Variants in RBM46 observed in about 807,000 individuals in gnomAD.
RBM46 encodes probable RNA-binding protein 46.
RBM46 carries 12 observed loss-of-function variants against 43.3 expected under a neutral mutation model. The ratio of observed to expected loss-of-function variants is 0.28; its 90% CI spans 0.18 to 0.45. The LOEUF (loss-of-function observed/expected upper bound fraction) is 0.45. RBM46 is among the 20% of genes least tolerant of loss of function. RBM46 has a pLI of 1.00. For missense variants in RBM46, 412 were observed against 639.1 expected (o/e 0.64, Z 3.83); for synonymous variants, 205 against 207.6 (o/e 0.99, Z 0.11).
intron 1 of RBM46, among the ~76,000 whole-genome samples, chr4:154,789,995 G>T (rs970139147): frequency 6.6e-6 from 1 of 152,156 alleles, no homozygotes; most frequent in Admixed American, 6.5e-5. Flanking sequence ...ATGGTAGTTT[G>T]TATTTCTGTG....
At chr4:154,816,642 G>A (rs1362898668) in intron 4 of RBM46, among the ~76,000 whole-genome samples, 1 of 151,884 alleles carries the variant, frequency 6.6e-6, no homozygotes, top group Non-Finnish European at 1.5e-5. Flanking sequence ...TCAACTAAAT[G>A]TAAAGAGCTT....
chr4:154,793,482 A>T (rs1437178052), intron 1 of RBM46, among the ~76,000 whole-genome samples: 2 of 152,180 alleles, frequency 1.3e-5, no homozygotes, highest in Non-Finnish European at 2.9e-5. Context: ...CAGTGTATGA[A>T]GTCTTAAGTT....
chr4:154,808,554 A>G (rs969803677), intron 4 of RBM46, among the ~76,000 whole-genome samples: 10 of 152,106 alleles, frequency 6.6e-5, no homozygotes, highest in African/African-American at 1.9e-4. Context: ...CATATGTGCC[A>G]TGTATGTGGA....
rs776584870 is a variant in RBM46 at position 154,799,323 on chromosome 4, A to G, written c.1161A>G (p.Lys387=). 1.5e-5 allele frequency: 25 copies of G among 1,614,118 alleles called. No homozygotes were observed. Among genetic ancestry groups the G allele is most frequent in the Admixed American group, 3.3e-5 (2 of 60,014 alleles). The part of the protein sequence containing the change: ...KLTPISMYSL[K]SNHFNSAVMH... ...CTCCAATTAGTATGTATTCTTTAAA[A>G]TCCAATCATTTTAATTCTGCAGTAA... Residue 387 remains lysine, a synonymous_variant, in exon 4 of 5, where the codon AAA becomes AAG. Transcript: ENST00000281722.
rs1272043820 is a variant in RBM46 at position 154,799,509 on chromosome 4, T to C, written c.1347T>C (p.Cys449=). 2 of 1,607,660 alleles carry C rather than the reference T, an allele frequency of 1.2e-6. No homozygotes were observed. Among genetic ancestry groups the C allele is most frequent in the Non-Finnish European group, 1.7e-6 (2 of 1,177,780 alleles). ...SQSYFMPDKL[C]TTLEDAKELA... ...GTTACTTCATGCCAGACAAACTCTG[T>C]ACTACGTTAGAAGATGCAAAGGAAC... Residue 449 remains cysteine (C), a synonymous_variant, in exon 4 of 5, where the codon TGT becomes TGC. Coordinates refer to ENST00000281722, the MANE Select transcript of RBM46 (RefSeq NM_144979.5).
At chr4:154,795,584 C>A (rs1448152690) in intron 1 of RBM46, among the ~76,000 whole-genome samples, 1 of 152,136 alleles carries the variant, frequency 6.6e-6, no homozygotes, top group Non-Finnish European at 1.5e-5. Flanking sequence ...ACTGCAGCCT[C>A]AAACTCCCAG....
At chr4:154,811,132 C>T (rs561910907) in intron 4 of RBM46, among the ~76,000 whole-genome samples, 75 of 152,200 alleles carry the variant, frequency 4.9e-4, no homozygotes, top group African/African-American at 1.5e-3. Context: ...TGAAGTAGTA[C>T]GGGGTGTTAT....
intron 4 of RBM46, among the ~76,000 whole-genome samples, chr4:154,808,994 G>A (rs1386791451): frequency 6.6e-6 from 1 of 151,850 alleles, no homozygotes; most frequent in African/African-American, 2.4e-5. Flanking sequence ...ACTTAGTTTC[G>A]GAGAGGGATT....
intron 4 of RBM46, among the ~76,000 whole-genome samples, chr4:154,817,704 T>C (rs12648632): frequency 0.22 from 33,005 of 152,096 alleles, 4,128 homozygotes; most frequent in Middle Eastern, 0.29. Flanking sequence ...TGTTTTGATT[T>C]CTTCTTGAAT....
At chr4:154,785,611 C>T (rs572294815) in intron 1 of RBM46, among the ~76,000 whole-genome samples, 1 of 152,004 alleles carries the variant, frequency 6.6e-6, no homozygotes, top group African/African-American at 2.4e-5. Flanking sequence ...TTTTTTCTCT[C>T]ACTGTTTTTC....
At chr4:154,794,913 T>G (rs1262201387) in intron 1 of RBM46, among the ~76,000 whole-genome samples, 1 of 152,120 alleles carries the variant, frequency 6.6e-6, no homozygotes, top group Non-Finnish European at 1.5e-5. Context: ...TCATCTGTTA[T>G]TTTTTCCCCA....
chr4:154,818,881 C>T (rs1173748497), intron 4 of RBM46, among the ~76,000 whole-genome samples: 1 of 152,066 alleles, frequency 6.6e-6, no homozygotes, highest in African/African-American at 2.4e-5. Context: ...AGATTCATTT[C>T]TCAGTTCTAG....
At chr4:154,790,150 T>G (rs1031962736) in intron 1 of RBM46, 2 of 152,216 alleles carry the variant, frequency 1.3e-5, no homozygotes, top group African/African-American at 2.4e-5. Context: ...TTTTGAAGGT[T>G]TTTTTGTGTC....
At chr4:154,797,278 A>G (rs917561696) in intron 2 of RBM46, among the ~76,000 whole-genome samples, 1 of 152,166 alleles carries the variant, frequency 6.6e-6, no homozygotes, top group Admixed American at 6.5e-5. Flanking sequence ...AAACAGGTAA[A>G]TAGAATGTTC....
At chr4:154,796,649 A>G in intron 1 of RBM46, 93 bp from the exon 2 acceptor site, 1 of 830,056 alleles carries the variant, frequency 1.2e-6, no homozygotes, top group Non-Finnish European at 1.8e-6. Flanking sequence ...GCCAGCCACA[A>G]CTGTCTTTGT....
chr4:154,820,120 A>T (rs1265300218), intron 4 of RBM46, among the ~76,000 whole-genome samples: 1 of 151,944 alleles, frequency 6.6e-6, no homozygotes, highest in Non-Finnish European at 1.5e-5. Flanking sequence ...AGAAAGATAA[A>T]TTTTTTTCTG....
At chr4:154,819,655 A>G (rs1007219274) in intron 4 of RBM46, among the ~76,000 whole-genome samples, 1 of 152,186 alleles carries the variant, frequency 6.6e-6, no homozygotes, top group African/African-American at 2.4e-5. Flanking sequence ...CTGAATTATA[A>G]TCTTTAGATG....
chr4:154,805,483 TA>T (rs1437458047), intron 4 of RBM46, among the ~76,000 whole-genome samples: 1 of 152,112 alleles, frequency 6.6e-6, no homozygotes, highest in African/African-American at 2.4e-5. Flanking sequence ...AATTGAATAG[TA>T]TTTAGTAGAT....
intron 1 of RBM46, among the ~76,000 whole-genome samples, chr4:154,793,408 G>T (rs1734197767): frequency 6.6e-6 from 1 of 152,268 alleles, no homozygotes; most frequent in African/African-American, 2.4e-5. Context: ...GTGTATTTTA[G>T]ATTTTGATAG....
Sources: gnomAD v4.1 joint callset for allele counts (sites outside exome capture counted in the v4.1 genomes callset) on GRCh38, gnomAD v4.1.1 for gene constraint, MANE v1.5 for transcripts, NCBI Gene and HGNC (gene_info 2026-07-23, HGNC 2026-07-21) for gene names.